Variants in PTPRN2 observed in about 807,000 individuals in gnomAD.
PTPRN2 encodes receptor-type tyrosine-protein phosphatase N2.
Under a neutral mutation model 118.8 loss-of-function variants are expected in PTPRN2, and 74 were observed. That is an observed-to-expected ratio of 0.62 (90% CI 0.52 to 0.76). PTPRN2 has a LOEUF of 0.76. Among genes scored for constraint, PTPRN2 ranks in the 30% least tolerant of loss-of-function variants. PTPRN2 has a pLI of 0.00. For missense variants in PTPRN2, 1,481 were observed against 1,394.4 expected (o/e 1.06, Z -0.99); for synonymous variants, 641 against 608.0 (o/e 1.05, Z -0.80).
In PTPRN2 at chr7:157,714,941, C is replaced by T. The variant is rs76737964; in HGVS notation, c.1789-32004G>A. On this transcript the variant is annotated intron_variant, in intron 12 of 22. Transcript: ENST00000389418. Reference sequence around the variant, plus strand: ...CCCGATCACTTCTCCTGAATGTATTCTGGGTCTCCCGCTTTCCGAGGCCAG... The same window carrying T: ...CCCGATCACTTCTCCTGAATGTATTTTGGGTCTCCCGCTTTCCGAGGCCAG... Among the ~76,000 whole-genome samples the T allele has an allele frequency of 2.8e-3, 420 of 147,512 alleles. 1 individual carries two copies. The highest frequency in any genetic ancestry group is 9.8e-3 in the African/African-American group (390 of 39,834).
intron 1 of PTPRN2, among the ~76,000 whole-genome samples, chr7:158,498,972 G>T (rs2129446213): frequency 6.6e-6 from 1 of 152,338 alleles, no homozygotes; most frequent in Non-Finnish European, 1.5e-5. Context: ...CTTTAGACAT[G>T]TGGTACTTCA....
intron 2 of PTPRN2, among the ~76,000 whole-genome samples, chr7:158,384,438 G>A (rs1326739220): frequency 2.7e-5 from 4 of 149,460 alleles, no homozygotes; most frequent in African/African-American, 1.0e-4. Flanking sequence ...TGATCTCAGT[G>A]AAAGGTAGGC....
chr7:158,559,333 A>T (rs1029538462), intron 1 of PTPRN2, among the ~76,000 whole-genome samples: 7 of 152,216 alleles, frequency 4.6e-5, no homozygotes, highest in Admixed American at 2.0e-4. Flanking sequence ...TATTTTAACG[A>T]TCCATATGAG....
intron 12 of PTPRN2, among the ~76,000 whole-genome samples, chr7:157,769,399 G>T (rs534791493): frequency 6.6e-6 from 1 of 152,284 alleles, no homozygotes; most frequent in South Asian, 2.1e-4. Flanking sequence ...TCCCCTCATT[G>T]TCGGGGGGGC....
At chr7:157,961,532 CA>C (rs66472051) in intron 11 of PTPRN2, among the ~76,000 whole-genome samples, 53,638 of 130,936 alleles carry the variant, frequency 0.41, 11,730 homozygotes, top group Non-Finnish European at 0.54. Flanking sequence ...GACTCTGTCT[CA>C]AAAAAAAAAA....
At chr7:158,127,789 C>T (rs1173829527) in intron 9 of PTPRN2, among the ~76,000 whole-genome samples, 1 of 152,192 alleles carries the variant, frequency 6.6e-6, no homozygotes, top group East Asian at 1.9e-4. Context: ...AAGGGGCTCC[C>T]TCCTCCCTAT....
At position 157,861,040 on chromosome 7, in the gene PTPRN2, G is replaced by A. The variant is rs1810194916; in HGVS notation, c.1788+37633C>T. Among the ~76,000 whole-genome samples, 1 of 152,190 alleles carries A rather than the reference G, an allele frequency of 6.6e-6. No homozygotes were observed. Among genetic ancestry groups the A allele is most frequent in the Non-Finnish European group, 1.5e-5 (1 of 68,032 alleles). On this transcript the variant is annotated intron_variant, in intron 12 of 22. Transcript: ENST00000389418. The surrounding 1 kb of genome is among the most constrained non-coding windows in gnomAD (Gnocchi z 5.8). ...GAGCTGTGGAGAGGTGGGGGGCAGG[G>A]TGACCTTCTCTTTCTTGTGGGGGTT...
intron 2 of PTPRN2, among the ~76,000 whole-genome samples, chr7:158,428,466 G>C (rs1267423945): frequency 6.6e-6 from 1 of 152,194 alleles, no homozygotes; most frequent in African/African-American, 2.4e-5. Flanking sequence ...CCACCGATCT[G>C]AGGAAACGGC....
intron 2 of PTPRN2, among the ~76,000 whole-genome samples, chr7:158,329,591 C>T (rs1246844282): frequency 6.6e-6 from 1 of 152,332 alleles, no homozygotes; most frequent in Non-Finnish European, 1.5e-5. Context: ...CCTGCCAGGG[C>T]GGTGACCTTG....
intron 10 of PTPRN2, among the ~76,000 whole-genome samples, chr7:158,102,540 C>T (rs1815314491): frequency 6.6e-6 from 1 of 152,182 alleles, no homozygotes; most frequent in Admixed American, 6.5e-5. Flanking sequence ...ATCCACACCT[C>T]CACACGTTCA....
chr7:158,326,049 C>A (rs779862989), intron 2 of PTPRN2, among the ~76,000 whole-genome samples: 1 of 152,184 alleles, frequency 6.6e-6, no homozygotes, highest in Non-Finnish European at 1.5e-5. Context: ...GGGCTCAGGG[C>A]GCACTTTCCA....
intron 12 of PTPRN2, among the ~76,000 whole-genome samples, chr7:157,858,063 C>T (rs1584884564): frequency 7.0e-6 from 1 of 141,956 alleles, no homozygotes; most frequent in South Asian, 2.3e-4. Flanking sequence ...ACCACCCACA[C>T]TCCTGCAGGG....
intron 13 of PTPRN2, among the ~76,000 whole-genome samples, chr7:157,665,188 A>C (rs1796076051): frequency 6.6e-6 from 1 of 152,232 alleles, no homozygotes; most frequent in African/African-American, 2.4e-5. Flanking sequence ...CACTTCACTT[A>C]AAGGAAAATC....
At chr7:158,397,847 A>T (rs1376537228) in intron 2 of PTPRN2, among the ~76,000 whole-genome samples, 2 of 146,944 alleles carry the variant, frequency 1.4e-5, no homozygotes, top group African/African-American at 2.5e-5. Flanking sequence ...AAACAAAACA[A>T]ATTGAAAAGC....
intron 1 of PTPRN2, among the ~76,000 whole-genome samples, chr7:158,571,521 A>AT (rs1563446712): frequency 1.1e-4 from 13 of 119,696 alleles, no homozygotes; most frequent in South Asian, 2.7e-4. Flanking sequence ...ACACACACCT[A>AT]TTTCTTTTTT....
At chr7:158,576,324 G>T (rs1197522824) in intron 1 of PTPRN2, among the ~76,000 whole-genome samples, 1 of 151,814 alleles carries the variant, frequency 6.6e-6, no homozygotes, top group Non-Finnish European at 1.5e-5. Context: ...TCTCTGTAAA[G>T]TTCTGCTTCT....
chr7:158,496,034 G>A (rs1025434043), intron 1 of PTPRN2, among the ~76,000 whole-genome samples: 2 of 151,864 alleles, frequency 1.3e-5, no homozygotes, highest in Non-Finnish European at 2.9e-5. Flanking sequence ...GGCTTGGGGG[G>A]CAGCAGGGGG....
chr7:158,339,614 A>G (rs150410187), intron 2 of PTPRN2, among the ~76,000 whole-genome samples: 3 of 10,170 alleles, frequency 2.9e-4, no homozygotes, highest in East Asian at 1.6e-3. Flanking sequence ...CACCATAAGA[A>G]GTGACACCTG....
intron 2 of PTPRN2, among the ~76,000 whole-genome samples, chr7:158,376,634 C>T (rs1204912031): frequency 9.2e-5 from 9 of 98,218 alleles, no homozygotes; most frequent in Non-Finnish European, 1.4e-4. Flanking sequence ...GGGACTCCCC[C>T]ACAGCCCTGT....
Sources: allele counts gnomAD v4.1 joint callset (sites outside exome capture counted in the v4.1 genomes callset), GRCh38; gene constraint gnomAD v4.1.1; non-coding constraint Gnocchi (gnomAD v3.1); transcripts MANE v1.5; gene names NCBI Gene and HGNC (gene_info 2026-07-23, HGNC 2026-07-21).